The following ADAMTS19 variants were observed in gnomAD, a reference collection of about 807,000 sequenced individuals.
ADAMTS19 encodes ADAM metallopeptidase with thrombospondin type 1 motif 19.
ADAMTS19 carries 93 observed loss-of-function variants against 153.3 expected under a neutral mutation model. That is an observed-to-expected ratio of 0.61 (90% CI 0.51 to 0.72). ADAMTS19 has a LOEUF of 0.72. ADAMTS19 is among the 30% of genes least tolerant of loss of function. ADAMTS19 has a pLI of 0.00. For synonymous variants in ADAMTS19, 600 were observed against 556.6 expected (o/e 1.08, Z -1.10); for missense variants, 1,482 against 1,552.1 (o/e 0.95, Z 0.76).
chr5:129,662,523 T>G (rs1211975076), intron 15 of ADAMTS19, among the ~76,000 whole-genome samples: 1 of 152,234 alleles, frequency 6.6e-6, no homozygotes, highest in African/African-American at 2.4e-5. Context: ...TCGCTGTAAA[T>G]ATAACTATAA....
intron 7 of ADAMTS19, among the ~76,000 whole-genome samples, chr5:129,552,458 A>T (rs1291444667): frequency 6.6e-6 from 1 of 151,784 alleles, no homozygotes; most frequent in African/African-American, 2.4e-5. Context: ...AAATGGTCAC[A>T]TATATGTTCA....
chr5:129,494,821 T>C (rs1308128666), intron 2 of ADAMTS19, among the ~76,000 whole-genome samples: 3 of 152,138 alleles, frequency 2.0e-5, no homozygotes, highest in African/African-American at 7.2e-5. Flanking sequence ...AAACATCGGT[T>C]CATTCTTTTT....
At chr5:129,527,634 A>AAG in intron 4 of ADAMTS19, 114 bp from the exon 5 acceptor site, 2 of 144,072 alleles carry the variant, frequency 1.4e-5, no homozygotes, top group Admixed American at 1.6e-4. Context: ...TTTTTTTTTT[A>AAG]AAAAAAAAAA....
At chr5:129,563,735 C>T (rs1016932435) in intron 7 of ADAMTS19, among the ~76,000 whole-genome samples, 1 of 152,136 alleles carries the variant, frequency 6.6e-6, no homozygotes, top group African/African-American at 2.4e-5. Context: ...GTGATTAACA[C>T]AGGAAGCTTC....
chr5:129,531,156 C>T (rs1752189780), intron 6 of ADAMTS19, among the ~76,000 whole-genome samples: 1 of 152,056 alleles, frequency 6.6e-6, no homozygotes, highest in African/African-American at 2.4e-5. Flanking sequence ...AAGATTAATT[C>T]ATTGGAATAC....
intron 3 of ADAMTS19, among the ~76,000 whole-genome samples, chr5:129,524,072 A>G (rs1581036751): frequency 6.6e-6 from 1 of 152,286 alleles, no homozygotes; most frequent in Admixed American, 6.5e-5. Flanking sequence ...CCACAAGGCT[A>G]TAGTAACCAA....
intron 2 of ADAMTS19, among the ~76,000 whole-genome samples, chr5:129,484,204 A>G (rs1433298773): frequency 6.6e-6 from 1 of 152,192 alleles, no homozygotes; most frequent in Non-Finnish European, 1.5e-5. Context: ...CTCGAATTAT[A>G]AAACTATTAG....
chr5:129,691,329 G>T (rs1467008916), intron 18 of ADAMTS19, among the ~76,000 whole-genome samples: 1 of 152,210 alleles, frequency 6.6e-6, no homozygotes, highest in East Asian at 1.9e-4. Context: ...TGACCAAGAG[G>T]TGAAGTTAAT....
intron 7 of ADAMTS19, among the ~76,000 whole-genome samples, chr5:129,594,462 C>T (rs1291774768): frequency 2.6e-5 from 4 of 152,126 alleles, no homozygotes; most frequent in Non-Finnish European, 5.9e-5. Context: ...ATGCTAATTA[C>T]AGTGAGCTTA....
intron 8 of ADAMTS19, among the ~76,000 whole-genome samples, chr5:129,615,763 G>T (rs986265996): frequency 6.6e-6 from 1 of 151,950 alleles, no homozygotes; most frequent in Non-Finnish European, 1.5e-5. Flanking sequence ...GATAGCAATA[G>T]AATTGAAAAG....
At chr5:129,663,088 G>A (rs1288677551) in intron 15 of ADAMTS19, among the ~76,000 whole-genome samples, 1 of 151,890 alleles carries the variant, frequency 6.6e-6, no homozygotes, top group Admixed American at 6.6e-5. Flanking sequence ...TAGAGACGGG[G>A]TTTCACTGTG....
rs1336262933 is a variant in ADAMTS19 at position 129,702,953 on chromosome 5, T to A, written c.3160-1286T>A. 5.9e-3 allele frequency among the ~76,000 whole-genome samples: 724 copies of A among 122,148 alleles called. 22 individuals carry two copies. Among genetic ancestry groups the A allele is most frequent in the African/African-American group, 0.025 (640 of 25,570 alleles). 80.1% of individuals were successfully genotyped at this position (122,148 alleles called of 152,430 possible). A position where few individuals can be genotyped will look rare whatever the true frequency, so the allele number is the denominator to read the frequency against. On this transcript the variant is annotated intron_variant, in intron 20 of 22. Coordinates refer to ENST00000274487, the MANE Select transcript of ADAMTS19 (RefSeq NM_133638.6). Reference sequence around the variant, plus strand: ...CCAAAAAAAAAAAAATATATATATATATATATATATATATATATACAAATA... The same window carrying A: ...CCAAAAAAAAAAAAATATATATATAAATATATATATATATATATACAAATA...
Position 129,690,674 on chromosome 5 carries a change from G to A in ADAMTS19, c.2819-4046G>A, listed in dbSNP as rs190744468. Among the ~76,000 whole-genome samples the A allele has an allele frequency of 2.6e-4, 39 of 152,140 alleles. No homozygotes were observed. The East Asian group carries it at 6.0e-3, about 23-fold the overall frequency. On this transcript the variant is annotated intron_variant, in intron 18 of 22. Transcript: ENST00000274487. ...TCGTTTAAGTTAAATAAATGTAGGT[G>A]TAAAAAATAATCAGCATTTTACAAA...
chr5:129,551,560 T>C (rs1354972019), intron 6 of ADAMTS19, among the ~76,000 whole-genome samples: 1 of 86,548 alleles, frequency 1.2e-5, no homozygotes, highest in African/African-American at 5.4e-5. Flanking sequence ...CAATACCAGA[T>C]TTTTTTGTAA....
intron 7 of ADAMTS19, among the ~76,000 whole-genome samples, chr5:129,563,508 A>G (rs1262273410): frequency 6.6e-6 from 1 of 152,190 alleles, no homozygotes; most frequent in Non-Finnish European, 1.5e-5. Context: ...TCAAAGTCCA[A>G]TATCAAGCTC....
chr5:129,686,941 C>G (rs1410600625), intron 18 of ADAMTS19, among the ~76,000 whole-genome samples: 1 of 152,124 alleles, frequency 6.6e-6, no homozygotes, highest in Non-Finnish European at 1.5e-5. Context: ...TGCCCTATGA[C>G]TTGAGCTCTT....
In ADAMTS19 at chr5:129,559,593, G is replaced by A. The variant is rs528810808; in HGVS notation, c.1372+7686G>A. 4.6e-5 allele frequency among the ~76,000 whole-genome samples: 7 copies of A among 152,120 alleles called. No homozygotes were observed. In the South Asian group the frequency reaches 1.5e-3, roughly 32 times the overall value. ...GTAATCATTTTGGAGAACTTTGGGC[G>A]GTATTTAGTAAAACTGGCATTTGTA... On this transcript the variant is annotated intron_variant, in intron 7 of 22. Coordinates refer to ENST00000274487, the MANE Select transcript of ADAMTS19 (RefSeq NM_133638.6).
At chr5:129,510,877 A>G (rs10079221) in intron 3 of ADAMTS19, among the ~76,000 whole-genome samples, 16,697 of 150,378 alleles carry the variant, frequency 0.11, 1,038 homozygotes, top group Middle Eastern at 0.17. Flanking sequence ...ATATATATAT[A>G]TAGTAGGCAT....
chr5:129,578,073 C>CATATATACATAT (rs1194579031), intron 7 of ADAMTS19, among the ~76,000 whole-genome samples: 7 of 138,396 alleles, frequency 5.1e-5, no homozygotes, highest in African/African-American at 1.8e-4. Flanking sequence ...CACACACACA[C>CATATATACATAT]ACACACATAT....
Sources: allele counts gnomAD v4.1 joint callset (sites outside exome capture counted in the v4.1 genomes callset), GRCh38; gene constraint gnomAD v4.1.1; transcripts MANE v1.5; gene names NCBI Gene and HGNC (gene_info 2026-07-23, HGNC 2026-07-21).